ARHGAP10: variants seen among roughly 807,000 people sequenced by gnomAD.
ARHGAP10 encodes the protein rho GTPase-activating protein 10.
In ARHGAP10, 87 loss-of-function variants were observed where a neutral mutation model predicts 108.6. That is an observed-to-expected ratio of 0.80 (90% CI 0.67 to 0.96). ARHGAP10 has a LOEUF of 0.96. Among genes scored for constraint, ARHGAP10 ranks in the 40% least tolerant of loss-of-function variants. ARHGAP10 has a pLI of 0.00. For missense variants in ARHGAP10, 939 were observed against 954.5 expected (o/e 0.98, Z 0.21); for synonymous variants, 347 against 341.1 (o/e 1.02, Z -0.19).
intron 22 of ARHGAP10, 60 bp downstream of exon 22, chr4:148,064,567 C>A: frequency 6.8e-7 from 1 of 1,472,576 alleles, no homozygotes; most frequent in Non-Finnish European, 9.5e-7. Flanking sequence ...AAGTCTGCAG[C>A]ATGGAGTGAG....
At chr4:147,807,450 T>A (rs879874120) in intron 1 of ARHGAP10, among the ~76,000 whole-genome samples, 3 of 151,956 alleles carry the variant, frequency 2.0e-5, no homozygotes, top group Non-Finnish European at 2.9e-5. Flanking sequence ...ATTTTTTTTT[T>A]AAATGTAGGA....
chr4:148,023,238 C>T, intron 18 of ARHGAP10, 25 bp from the exon 19 acceptor site: 2 of 1,612,230 alleles, frequency 1.2e-6, no homozygotes, highest in Non-Finnish European at 1.7e-6. Flanking sequence ...GTAAATAATT[C>T]CTGTCCTTTA....
chr4:147,879,374 C>G, intron 9 of ARHGAP10, 36 bp downstream of exon 9: 2 of 1,569,834 alleles, frequency 1.3e-6, no homozygotes, highest in Non-Finnish European at 1.7e-6. Context: ...AGATTATAAT[C>G]TGTCAGAGGT....
chr4:147,848,358 G>C (rs1414549703), intron 4 of ARHGAP10, among the ~76,000 whole-genome samples: 1 of 152,244 alleles, frequency 6.6e-6, no homozygotes, highest in Admixed American at 6.5e-5. Context: ...ACCACCCCAG[G>C]CTCCTTCCTT....
At chr4:147,811,589 TTAAAA>T (rs1383875092) in intron 1 of ARHGAP10, among the ~76,000 whole-genome samples, 1 of 146,868 alleles carries the variant, frequency 6.8e-6, no homozygotes, top group African/African-American at 2.5e-5. Context: ...ATGGCTTTTT[TTAAAA>T]AAAAAAAACA....
chr4:148,033,655 A>T (rs183934737), intron 19 of ARHGAP10, among the ~76,000 whole-genome samples: 165 of 152,326 alleles, frequency 1.1e-3, no homozygotes, highest in Non-Finnish European at 1.7e-3. Context: ...CAAATGTTTC[A>T]GCTTAACTCC....
At chr4:148,063,927 C>T (rs1729740120) in intron 21 of ARHGAP10, among the ~76,000 whole-genome samples, 1 of 152,218 alleles carries the variant, frequency 6.6e-6, no homozygotes, top group South Asian at 2.1e-4. Flanking sequence ...ATACAGAAGA[C>T]TCAGGCAAGA....
chr4:147,783,674 GTATAATT>G, intron 1 of ARHGAP10, among the ~76,000 whole-genome samples: 1 of 126,402 alleles, frequency 7.9e-6, no homozygotes, highest in Non-Finnish European at 1.6e-5. Context: ...ATTGTGTATT[GTATAATT>G]TATAGAACAC....
chr4:147,965,243 C>G (rs1164476545), intron 17 of ARHGAP10, 114 bp downstream of exon 17: 2 of 641,880 alleles, frequency 3.1e-6, no homozygotes, highest in African/African-American at 1.9e-5. Flanking sequence ...GCAGGCTGAA[C>G]GTTTGACTCA....
At chr4:147,945,590 T>C (rs1446141977) in intron 14 of ARHGAP10, among the ~76,000 whole-genome samples, 6 of 152,232 alleles carry the variant, frequency 3.9e-5, no homozygotes, top group South Asian at 2.1e-4. Context: ...ATTTTCTGTT[T>C]TGGTTGATCA....
intron 1 of ARHGAP10, among the ~76,000 whole-genome samples, chr4:147,813,809 TC>T (rs983864916): frequency 6.6e-6 from 1 of 152,186 alleles, no homozygotes; most frequent in African/African-American, 2.4e-5. Context: ...ATTCAAAAGG[TC>T]CTAACTTAAC....
Position 147,864,825 on chromosome 4 carries a change from AC to A in ARHGAP10, c.487-19del, listed in dbSNP as rs1334377659. 5.6e-6 allele frequency: 9 copies of A among 1,604,528 alleles called. No individual in the cohort carries two copies. Among genetic ancestry groups the A allele is most frequent in the Admixed American group, 1.7e-5 (1 of 59,426 alleles). On this transcript the variant is annotated intron_variant, in intron 5 of 22. Transcript: ENST00000336498. ...CTTTTCACCATCTCCAGTTTGACTA[AC>A]CTCTGTGATTTTAACATAGGCAGAT...
At chr4:147,741,248 G>C (rs988250915) in intron 1 of ARHGAP10, among the ~76,000 whole-genome samples, 1 of 152,128 alleles carries the variant, frequency 6.6e-6, no homozygotes, top group African/African-American at 2.4e-5. Context: ...ATAAATTTAG[G>C]ATACTAGCTT....
chr4:147,986,132 T>C (rs1453068229), intron 18 of ARHGAP10, among the ~76,000 whole-genome samples: 1 of 152,214 alleles, frequency 6.6e-6, no homozygotes, highest in East Asian at 1.9e-4. Flanking sequence ...GTCATGTGAC[T>C]TTTGAGGGAC....
intron 3 of ARHGAP10, among the ~76,000 whole-genome samples, chr4:147,831,028 G>A (rs1051437260): frequency 1.3e-5 from 2 of 152,198 alleles, no homozygotes; most frequent in African/African-American, 4.8e-5. Context: ...TGCAAGAAAT[G>A]CACATTCTCA....
intron 10 of ARHGAP10, among the ~76,000 whole-genome samples, chr4:147,889,180 C>T (rs139488532): frequency 6.6e-5 from 10 of 152,294 alleles, no homozygotes; most frequent in East Asian, 5.8e-4. Context: ...TGCACCACAC[C>T]GCTATACTGT....
intron 18 of ARHGAP10, among the ~76,000 whole-genome samples, chr4:147,979,211 CT>C (rs925357835): frequency 2.0e-5 from 3 of 152,146 alleles, no homozygotes; most frequent in African/African-American, 7.2e-5. Context: ...TTGACTCCAT[CT>C]TTAGTTAATT....
chr4:147,833,142 T>C (rs1733021511), intron 3 of ARHGAP10, among the ~76,000 whole-genome samples: 1 of 152,224 alleles, frequency 6.6e-6, no homozygotes. Flanking sequence ...GTATTTTCAG[T>C]GGCACAGAGG....
chr4:147,919,843 G>A (rs1737161917), intron 13 of ARHGAP10, among the ~76,000 whole-genome samples: 1 of 152,102 alleles, frequency 6.6e-6, no homozygotes, highest in African/African-American at 2.4e-5. Context: ...GCCTCTCAAA[G>A]TGCTGGGATT....
Sources: allele counts gnomAD v4.1 joint callset (sites outside exome capture counted in the v4.1 genomes callset), GRCh38; gene constraint gnomAD v4.1.1; transcripts MANE v1.5; gene names NCBI Gene and HGNC (gene_info 2026-07-23, HGNC 2026-07-21).